The following MAP3K5 variants were observed in gnomAD, a reference collection of about 807,000 sequenced individuals.
The protein encoded by MAP3K5 is mitogen-activated protein kinase kinase kinase 5, also known as ASK-1.
MAP3K5 carries 56 observed loss-of-function variants against 158.7 expected under a neutral mutation model. The ratio of observed to expected loss-of-function variants is 0.35; its 90% confidence interval spans 0.28 to 0.44. The LOEUF (loss-of-function observed/expected upper bound fraction) is 0.44, where lower values mean the gene tolerates loss of function less well. Ranked by LOEUF, MAP3K5 falls within the 20% of genes least tolerant of loss-of-function variation. MAP3K5 has a pLI of 1.00. For synonymous variants in MAP3K5, 579 were observed against 601.7 expected (o/e 0.96, Z 0.55); for missense variants, 1,294 against 1,674.8 (o/e 0.77, Z 3.97).
chr6:136,625,289 C>T (rs766374410), intron 14 of MAP3K5, among the ~76,000 whole-genome samples: 1 of 152,164 alleles, frequency 6.6e-6, no homozygotes, highest in Non-Finnish European at 1.5e-5. Flanking sequence ...TCCAATAAGG[C>T]TTTATTTACC....
chr6:136,562,681 A>AT, intron 26 of MAP3K5, 66 bp from the exon 27 acceptor site: 2 of 786,970 alleles, frequency 2.5e-6, no homozygotes, highest in Non-Finnish European at 4.1e-6. Flanking sequence ...TTTTATTTTT[A>AT]TTTTTTTAGA....
At chr6:136,663,260 C>T (rs192769975) in intron 8 of MAP3K5, among the ~76,000 whole-genome samples, 1 of 152,306 alleles carries the variant, frequency 6.6e-6, no homozygotes, top group East Asian at 1.9e-4. Flanking sequence ...GAATCTCAAA[C>T]ATACATCAAA....
chr6:136,605,181 T>G, intron 19 of MAP3K5, 28 bp downstream of exon 19: 1 of 1,604,840 alleles, frequency 6.2e-7, no homozygotes, highest in Non-Finnish European at 8.5e-7. Context: ...GCTTTATCCA[T>G]TTGTTTTTAA....
At chr6:136,746,592 A>C (rs1782968638) in intron 1 of MAP3K5, among the ~76,000 whole-genome samples, 1 of 152,242 alleles carries the variant, frequency 6.6e-6, no homozygotes, top group Non-Finnish European at 1.5e-5. Context: ...AAAACCATGC[A>C]GGGTTCTAAT....
At chr6:136,776,192 T>G (rs2115022535) in intron 1 of MAP3K5, among the ~76,000 whole-genome samples, 1 of 152,358 alleles carries the variant, frequency 6.6e-6, no homozygotes, top group South Asian at 2.1e-4. Context: ...TCGTCTAAAG[T>G]AGAAGAGTGT....
At chr6:136,738,181 G>T (rs1411215647) in intron 1 of MAP3K5, among the ~76,000 whole-genome samples, 1 of 152,094 alleles carries the variant, frequency 6.6e-6, no homozygotes, top group African/African-American at 2.4e-5. Context: ...TTTCTTATTA[G>T]GGAGAAAGAA....
intron 21 of MAP3K5, among the ~76,000 whole-genome samples, chr6:136,599,531 A>C (rs558525138): frequency 6.6e-6 from 1 of 151,826 alleles, no homozygotes; most frequent in East Asian, 1.9e-4. Context: ...CCAAGTGTGT[A>C]TGGTTGAGTT....
chr6:136,624,331 T>C (rs1401112792), intron 14 of MAP3K5, among the ~76,000 whole-genome samples: 2 of 152,196 alleles, frequency 1.3e-5, no homozygotes, highest in Non-Finnish European at 2.9e-5. Context: ...AAAGCAGAGT[T>C]GATAAAATTT....
chr6:136,755,591 C>A (rs1783440078), intron 1 of MAP3K5, among the ~76,000 whole-genome samples: 1 of 151,276 alleles, frequency 6.6e-6, no homozygotes, highest in Non-Finnish European at 1.5e-5. Context: ...GTGGCACACG[C>A]CTGTGGTCAC....
At chr6:136,733,713 T>TCA (rs1782326017) in intron 1 of MAP3K5, among the ~76,000 whole-genome samples, 1 of 145,204 alleles carries the variant, frequency 6.9e-6, no homozygotes, top group Admixed American at 6.7e-5. Flanking sequence ...CCTGATGCCC[T>TCA]CACACACACA....
intron 17 of MAP3K5, among the ~76,000 whole-genome samples, chr6:136,611,771 T>C (rs76793295): frequency 0.012 from 1,842 of 152,312 alleles, 38 homozygotes; most frequent in African/African-American, 0.043. Context: ...AAAACTAAAC[T>C]ATCTTTGTAA....
At chr6:136,700,873 G>A (rs1360929435) in intron 3 of MAP3K5, among the ~76,000 whole-genome samples, 3 of 152,294 alleles carry the variant, frequency 2.0e-5, no homozygotes, top group East Asian at 3.9e-4. Flanking sequence ...GACTACTGCC[G>A]TTATGGGGAA....
At chr6:136,785,980 A>G (rs1352928803) in intron 1 of MAP3K5, among the ~76,000 whole-genome samples, 1 of 152,246 alleles carries the variant, frequency 6.6e-6, no homozygotes, top group Admixed American at 6.5e-5. Context: ...GCTCCAAGCA[A>G]GAACCTTCAA....
At chr6:136,697,710 T>G (rs1780662886) in intron 4 of MAP3K5, among the ~76,000 whole-genome samples, 1 of 152,112 alleles carries the variant, frequency 6.6e-6, no homozygotes, top group Non-Finnish European at 1.5e-5. Context: ...CAAATTGTTC[T>G]AAATAAATTA....
intron 1 of MAP3K5, among the ~76,000 whole-genome samples, chr6:136,724,755 G>A (rs981444210): frequency 6.6e-6 from 1 of 152,098 alleles, no homozygotes; most frequent in African/African-American, 2.4e-5. Flanking sequence ...CTTGTTCTAA[G>A]ACATTTCTAT....
At chr6:136,784,232 G>A (rs1447700466) in intron 1 of MAP3K5, among the ~76,000 whole-genome samples, 1 of 152,220 alleles carries the variant, frequency 6.6e-6, no homozygotes, top group Non-Finnish European at 1.5e-5. Flanking sequence ...TGGCAGCCCA[G>A]GAAGCAGAGC....
chr6:136,746,220 T>C (rs1166164943), intron 1 of MAP3K5, among the ~76,000 whole-genome samples: 1 of 152,122 alleles, frequency 6.6e-6, no homozygotes, highest in Admixed American at 6.5e-5. Context: ...ATAAGTATTC[T>C]CTAGGTTTAC....
intron 9 of MAP3K5, among the ~76,000 whole-genome samples, 179 bp from the exon 10 acceptor site, chr6:136,656,639 T>A (rs903734215): frequency 1.3e-5 from 2 of 152,064 alleles, no homozygotes; most frequent in Admixed American, 6.6e-5. Context: ...TTTTTTTTAA[T>A]GTTGAAACAG....
At position 136,613,019 on chromosome 6, in the gene MAP3K5, A is replaced by G. The variant is rs1187524027; in HGVS notation, c.2415+101T>C. 4 of 1,090,660 alleles carry G rather than the reference A, an allele frequency of 3.7e-6. No homozygotes were observed. The highest frequency in any genetic ancestry group is 5.1e-6 in the Non-Finnish European group (4 of 777,058). The allele number at this position is 1,090,660 out of a possible 1,614,324, so 67.6% of individuals were successfully genotyped here. A position where few individuals can be genotyped will look rare whatever the true frequency, so the allele number is the denominator to read the frequency against. On this transcript the variant is annotated intron_variant, in intron 17 of 29. Coordinates refer to ENST00000359015, the MANE Select transcript of MAP3K5 (RefSeq NM_005923.4). This position sits in a 1 kb window ranked among gnomAD's most constrained non-coding sequence, Gnocchi z 4.0. ...TGCTGTTTCTAAGATTTACTTATTC[A>G]CCATTCTAAATTAATACTCATAACA...
Sources: gnomAD v4.1 joint callset for allele counts (sites outside exome capture counted in the v4.1 genomes callset) on GRCh38, gnomAD v4.1.1 for gene constraint, Gnocchi (gnomAD v3.1) non-coding constraint, MANE v1.5 for transcripts, NCBI Gene and HGNC (gene_info 2026-07-23, HGNC 2026-07-21) for gene names.